PIK3CD: variants seen among roughly 807,000 people sequenced by gnomAD.
PIK3CD encodes phosphatidylinositol 4,5-bisphosphate 3-kinase catalytic subunit delta isoform.
Under a neutral mutation model 122.9 loss-of-function variants are expected in PIK3CD, and 20 were observed. The ratio of observed to expected loss-of-function variants is 0.16; its 90% CI spans 0.11 to 0.24. The LOEUF is 0.24. PIK3CD is among the 10% of genes least tolerant of loss of function. PIK3CD has a pLI of 1.00. For missense variants in PIK3CD, 787 were observed against 1,406.3 expected, an observed-to-expected ratio of 0.56 and a Z score of 7.04; for synonymous variants, 596 against 593.4, an observed-to-expected ratio of 1.00 and a Z score of -0.06.
intron 1 of PIK3CD, among the ~76,000 whole-genome samples, chr1:9,677,696 G>A (rs1250772256): frequency 6.6e-6 from 1 of 151,456 alleles, no homozygotes; most frequent in African/African-American, 2.4e-5. Flanking sequence ...GGGAATTATA[G>A]GCCGTGATCT....
At position 9,724,657 on chromosome 1, in the gene PIK3CD, A is replaced by G. The variant is rs1649217309; in HGVS notation, c.2865-147A>G. 1.7e-6 allele frequency: 2 copies of G among 1,156,890 alleles called. No individual in the cohort carries two copies. The highest frequency in any genetic ancestry group is 2.6e-6 in the Non-Finnish European group (2 of 770,682). 71.7% of individuals were successfully genotyped at this position (1,156,890 alleles called of 1,614,324 possible). ...GGAGGCTGGCTGGGGCACGGGGGTCAGTTAGCAGAACTGGAGGCCTTGTGT... is the reference window on the plus strand; with the variant it reads ...GGAGGCTGGCTGGGGCACGGGGGTCGGTTAGCAGAACTGGAGGCCTTGTGT... On this transcript the variant is annotated intron_variant, in intron 22 of 23. Coordinates refer to ENST00000377346, the MANE Select transcript of PIK3CD (RefSeq NM_005026.5). This position sits in a 1 kb window ranked among gnomAD's most constrained non-coding sequence, Gnocchi z 7.3.
intron 2 of PIK3CD, among the ~76,000 whole-genome samples, chr1:9,708,916 T>A (rs1646944919): frequency 6.6e-6 from 1 of 152,068 alleles, no homozygotes; most frequent in African/African-American, 2.4e-5. Flanking sequence ...TGGAGTAGGC[T>A]AGAGGCGGGG....
rs892686082 is a variant in PIK3CD, at chr1:9,723,331, C to T, written c.2594+39C>T. On this transcript the variant is annotated intron_variant, in intron 20 of 23. Coordinates refer to ENST00000377346, the MANE Select transcript of PIK3CD (RefSeq NM_005026.5). The surrounding 1 kb of genome is among the most constrained non-coding windows in gnomAD (Gnocchi z 4.9). ...CCAGGGATAGGTTCCCTCTCCTTTC[C>T]AAGAGGTGTGGAGTGGGAGGGCCTC... 4 of 1,607,878 alleles carry T rather than the reference C, an allele frequency of 2.5e-6. No homozygotes were observed. Among genetic ancestry groups the T allele is most frequent in the Non-Finnish European group, 3.4e-6 (4 of 1,174,804 alleles).
At chr1:9,685,601 C>T (rs1398077034) in intron 1 of PIK3CD, among the ~76,000 whole-genome samples, 1 of 152,070 alleles carries the variant, frequency 6.6e-6, no homozygotes, top group East Asian at 1.9e-4. Context: ...TCAGGTGATC[C>T]GCCCTCCTCA....
At position 9,710,654 on chromosome 1, in the gene PIK3CD, G is replaced by GAGAC. The variant is rs1647009974; in HGVS notation, c.141+59_141+60insGACA. 9 of 1,445,344 alleles carry GAGAC rather than the reference G, an allele frequency of 6.2e-6. No homozygotes were observed. Among genetic ancestry groups the GAGAC allele is most frequent in the African/African-American group, 2.8e-5 (2 of 71,898 alleles). 89.5% of individuals were successfully genotyped at this position (1,445,344 alleles called of 1,614,324 possible). ...GCTCAGAGAGAGAGAGAGAGAGAGA[G>GAGAC]ACACAGATAGACAGACAGACAGACA... On this transcript the variant is annotated intron_variant, in intron 3 of 23. Coordinates refer to ENST00000377346, the MANE Select transcript of PIK3CD (RefSeq NM_005026.5). This position sits in a 1 kb window ranked among gnomAD's most constrained non-coding sequence, Gnocchi z 4.7.
the PIK3CD span, among the ~76,000 whole-genome samples, chr1:9,638,061 T>G: frequency 0.19 from 28,755 of 151,802 alleles, 2,758 homozygotes; most frequent in East Asian, 0.24. Context: ...GAGTTGAGAC[T>G]GCGCCATTGT....
chr1:9,690,144 G>A (rs1158209748), intron 1 of PIK3CD, among the ~76,000 whole-genome samples: 1 of 152,120 alleles, frequency 6.6e-6, no homozygotes, highest in Non-Finnish European at 1.5e-5. Flanking sequence ...TATTCGGGAC[G>A]GAGCCTCCTG....
At position 9,720,678 on chromosome 1, in the gene PIK3CD, T is replaced by TGTGGG; in HGVS notation, c.1521+24_1521+28dup. On this transcript the variant is annotated intron_variant, in intron 12 of 23. Coordinates refer to ENST00000377346, the MANE Select transcript of PIK3CD (RefSeq NM_005026.5). This position sits in a 1 kb window ranked among gnomAD's most constrained non-coding sequence, Gnocchi z 9.0. ...GAGGAGGAGGTGAGTGGGGTGGGGG[T>TGTGGG]GTGGGGTGGGGGGCATGGAGCCGGC... 1 of 364,882 alleles carries TGTGGG rather than the reference T, an allele frequency of 2.7e-6. No homozygotes were observed. The highest frequency in any genetic ancestry group is 1.8e-5 in the South Asian group (1 of 54,302). The allele number at this position is 364,882 out of a possible 1,614,324, so 22.6% of individuals were successfully genotyped here. A position where few individuals can be genotyped will look rare whatever the true frequency, so the allele number is the denominator to read the frequency against.
At chr1:9,721,622 C>T (rs1648670664) in intron 15 of PIK3CD, 35 bp downstream of exon 15, 1 of 1,611,586 alleles carries the variant, frequency 6.2e-7, no homozygotes, top group Non-Finnish European at 8.5e-7. Flanking sequence ...CTGTGGGAAT[C>T]CCAGCCCCTG....
At chr1:9,650,848 T>C (rs1010240705), upstream of PIK3CD, among the ~76,000 whole-genome samples, 25 of 152,120 alleles carry the variant, frequency 1.6e-4, no homozygotes, top group Non-Finnish European at 3.1e-4. Context: ...ATTTTCCTTT[T>C]CTTTTCTGTT....
the PIK3CD span, among the ~76,000 whole-genome samples, chr1:9,629,307 G>A: frequency 2.0e-5 from 3 of 151,846 alleles, no homozygotes; most frequent in Non-Finnish European, 2.9e-5. Context: ...CCTCTTCTCC[G>A]AGAAAGAGGC....
chr1:9,709,954 C>T (rs113731137), intron 2 of PIK3CD, among the ~76,000 whole-genome samples: 2,102 of 151,488 alleles, frequency 0.014, 43 homozygotes, highest in Middle Eastern at 0.054. Flanking sequence ...TGCAGTGAGC[C>T]GAGGTGGTGC....
chr1:9,715,565 G>C lies in PIK3CD; in HGVS notation c.166G>C (p.Glu56Gln). 6.2e-7 allele frequency: 1 copy of C among 1,613,596 alleles called. No homozygotes were observed. Among genetic ancestry groups the C allele is most frequent in the South Asian group, 1.1e-5 (1 of 91,074 alleles). Residue 56 changes from glutamate (E) to glutamine (Q), a missense_variant, in exon 4 of 24, where the codon GAG becomes CAG. Around this residue, in one of 6 missense-constraint regions of PIK3CD, gnomAD observed 592 missense variants for 920.6 expected, o/e 0.64. Coordinates refer to ENST00000377346, the MANE Select transcript of PIK3CD (RefSeq NM_005026.5). The surrounding 1 kb of genome is among the most constrained non-coding windows in gnomAD (Gnocchi z 4.1). ...KQLLWHRAQY[E>Q]PLFHMLSGPE... ...GCTGCTGTGGCACCGCGCCCAGTAT[G>C]AGCCGCTCTTCCACATGCTCAGTGG... is the stretch of plus-strand genomic sequence containing the variant.
chr1:9,682,613 G>A (rs767856089), intron 1 of PIK3CD, among the ~76,000 whole-genome samples: 5 of 152,156 alleles, frequency 3.3e-5, no homozygotes, highest in African/African-American at 7.2e-5. Flanking sequence ...GCAGTGGCAC[G>A]ATTTCAGCTC....
intron 1 of PIK3CD, among the ~76,000 whole-genome samples, chr1:9,667,024 T>A (rs972685450): frequency 6.6e-6 from 1 of 152,016 alleles, no homozygotes; most frequent in African/African-American, 2.4e-5. Context: ...CCGCCATGCC[T>A]GGCTAATTTT....
At chr1:9,630,707 AGTGTGTGTGTGTGT>A in the PIK3CD span, among the ~76,000 whole-genome samples, 648 of 147,588 alleles carry the variant, frequency 4.4e-3, 3 homozygotes, top group Non-Finnish European at 6.4e-3. Flanking sequence ...AAAGAAAGTG[AGTGTGTGTGTGTGT>A]GTGTGTGTGT....
At chr1:9,653,029 C>G (rs1644726989) in intron 1 of PIK3CD, 1 of 152,242 alleles carries the variant, frequency 6.6e-6, no homozygotes, top group Non-Finnish European at 1.5e-5. Flanking sequence ...GGGGCTTCTT[C>G]CCGCCGATTC....
rs1402174293 is a variant in PIK3CD, at chr1:9,721,141, G to T, written c.1704G>T (p.Leu568=). The T allele has an allele frequency of 6.2e-7, 1 of 1,612,180 alleles. No individual in the cohort carries two copies. The highest frequency in any genetic ancestry group is 8.5e-7 in the Non-Finnish European group (1 of 1,179,944). The change falls in exon 14 of 24, where the codon CTG becomes CTT. Residue 568 remains leucine, a synonymous_variant. Coordinates refer to ENST00000377346, the MANE Select transcript of PIK3CD (RefSeq NM_005026.5). ...GCTCCCCCCAGATGCTCTACCTGCT[G>T]TGCTCCTGGCCGGAGCTGCCCGTCC... The part of the protein sequence containing the change: ...HEDVAQMLYL[L]CSWPELPVLS...
the PIK3CD span, among the ~76,000 whole-genome samples, chr1:9,627,898 C>T: frequency 7.2e-5 from 11 of 152,188 alleles, no homozygotes; most frequent in Non-Finnish European, 1.3e-4. Flanking sequence ...ACAGAGGCCG[C>T]GGGTGGCAGA....
Sources: allele counts gnomAD v4.1 joint callset (sites outside exome capture counted in the v4.1 genomes callset), GRCh38; gene constraint gnomAD v4.1.1; regional missense constraint gnomAD v4.1.1; non-coding constraint Gnocchi (gnomAD v3.1); transcripts MANE v1.5; gene names NCBI Gene and HGNC (gene_info 2026-07-23, HGNC 2026-07-21).